Variants in TLL1 observed in about 807,000 individuals in gnomAD.
TLL1 encodes tolloid-like protein 1.
In TLL1, 49 loss-of-function variants were observed where a neutral mutation model predicts 128.2. The observed-to-expected ratio is 0.38, with a 90% CI of 0.30 to 0.48. TLL1 has a LOEUF of 0.48. TLL1 is among the 20% of genes least tolerant of loss of function. The pLI is 0.96. For synonymous variants in TLL1, 454 were observed against 418.8 expected, an observed-to-expected ratio of 1.08 and a Z score of -1.03; for missense variants, 1,123 against 1,242.0, an observed-to-expected ratio of 0.90 and a Z score of 1.44.
rs965032632 is a variant in TLL1 at position 165,925,252 on chromosome 4, G to A, written c.169+51179G>A. ...GATTTGGGTCTGAGCAAAGTAAATC[G>A]TAAACCTTCTGAAAAGAATTCACCA... is the stretch of plus-strand genomic sequence containing the variant. On this transcript the variant is annotated intron_variant, in intron 1 of 20. Transcript: ENST00000061240. 1.1e-4 allele frequency among the ~76,000 whole-genome samples: 16 copies of A among 152,246 alleles called. 1 individual carries two copies. The highest frequency in any genetic ancestry group is 2.6e-4 in the Admixed American group (4 of 15,290).
At chr4:165,895,371 A>G (rs1442658218) in intron 1 of TLL1, among the ~76,000 whole-genome samples, 2 of 152,160 alleles carry the variant, frequency 1.3e-5, no homozygotes, top group African/African-American at 4.8e-5. Flanking sequence ...TCAATCAGAA[A>G]TGGAAACTGC....
chr4:165,934,133 G>A (rs1340007190), intron 1 of TLL1, among the ~76,000 whole-genome samples: 1 of 151,174 alleles, frequency 6.6e-6, no homozygotes, highest in Non-Finnish European at 1.5e-5. Flanking sequence ...CGAGTAGCTG[G>A]GATTACAGGT....
At chr4:166,091,473 T>C in intron 19 of TLL1, 132 bp downstream of exon 19, 1 of 748,136 alleles carries the variant, frequency 1.3e-6, no homozygotes, top group Non-Finnish European at 2.2e-6. Flanking sequence ...AAGCACTTTG[T>C]GAAATATTTG....
At position 166,043,303 on chromosome 4, in the gene TLL1, G is replaced by C; in HGVS notation, c.1408G>C (p.Glu470Gln). ...AICGGEIRKN[E>Q]GQIQSPNYPD... ...CTGTGGAGGTGAGATACGTAAAAAT[G>C]AAGGACAGATTCAGTCTCCCAATTA... The change falls in exon 12 of 21, where the codon GAA (glutamate) becomes CAA (glutamine). Residue 470 changes from glutamate to glutamine, a missense_variant. Physicochemically the swap from Glu to Gln is conservative, Grantham distance 29. Around this residue, in one of 3 missense-constraint regions of TLL1, gnomAD observed 634 missense variants for 672.4 expected, o/e 0.94. Coordinates refer to ENST00000061240, the MANE Select transcript of TLL1 (RefSeq NM_012464.5). 6.2e-7 allele frequency: 1 copy of C among 1,614,120 alleles called. No homozygotes were observed. The highest frequency in any genetic ancestry group is 2.2e-5 in the East Asian group (1 of 44,870).
chr4:165,959,342 G>A (rs556070524), intron 1 of TLL1, among the ~76,000 whole-genome samples: 27 of 152,254 alleles, frequency 1.8e-4, no homozygotes, highest in Non-Finnish European at 3.4e-4. Context: ...TCCTACCCAT[G>A]AGCATGGAAT....
chr4:166,083,116 G>A (rs1421914578), intron 18 of TLL1, among the ~76,000 whole-genome samples: 1 of 152,056 alleles, frequency 6.6e-6, no homozygotes, highest in East Asian at 1.9e-4. Flanking sequence ...TATGGGCAAG[G>A]GCAGCGATGA....
chr4:165,996,048 T>C (rs1327529450), intron 5 of TLL1, among the ~76,000 whole-genome samples: 1 of 152,182 alleles, frequency 6.6e-6, no homozygotes, highest in African/African-American at 2.4e-5. Context: ...TTCATGTTTT[T>C]GCTCATGATA....
chr4:166,075,945 AC>A (rs1741002761), intron 17 of TLL1, among the ~76,000 whole-genome samples: 1 of 152,204 alleles, frequency 6.6e-6, no homozygotes, highest in Non-Finnish European at 1.5e-5. Flanking sequence ...AGAATCATAT[AC>A]AAACAGGAAT....
intron 1 of TLL1, among the ~76,000 whole-genome samples, chr4:165,912,001 G>C (rs1008426211): frequency 1.3e-5 from 2 of 151,892 alleles, no homozygotes; most frequent in Non-Finnish European, 2.9e-5. Flanking sequence ...TCAGCCTCCC[G>C]AGTAGCTGGG....
chr4:165,992,814 A>T lies in TLL1; in HGVS notation c.291A>T (p.Gly97=), dbSNP rs997734898. 2 of 1,613,238 alleles carry T rather than the reference A, an allele frequency of 1.2e-6. No individual in the cohort carries two copies. Among genetic ancestry groups the T allele is most frequent in the Non-Finnish European group, 1.7e-6 (2 of 1,179,328 alleles). Residue 97 remains glycine, a synonymous_variant, in exon 3 of 21, where the codon GGA becomes GGT. Transcript: ENST00000061240. ...CTTTTATTCTTTAAGGTGGACTTGGAGACCATGCTATGTCAAAGAAGCGAG... is the reference window on the plus strand; with the variant it reads ...CTTTTATTCTTTAAGGTGGACTTGGTGACCATGCTATGTCAAAGAAGCGAG... ...GNLGHTTGGL[G]DHAMSKKRGA... is the part of the protein sequence containing the mutation.
intron 1 of TLL1, among the ~76,000 whole-genome samples, chr4:165,919,292 A>C (rs1732922897): frequency 6.6e-6 from 1 of 150,846 alleles, no homozygotes; most frequent in Non-Finnish European, 1.5e-5. Context: ...CTGAAGCAGG[A>C]GGATCACTTC....
intron 1 of TLL1, among the ~76,000 whole-genome samples, chr4:165,880,509 G>A (rs1730926163): frequency 1.3e-5 from 2 of 152,106 alleles, no homozygotes; most frequent in South Asian, 2.1e-4. Flanking sequence ...TATATTAAAT[G>A]GGTCAGAAGT....
At position 165,987,862 on chromosome 4, in the gene TLL1, T is replaced by C. The variant is rs182146726; in HGVS notation, c.170-1519T>C. Among the ~76,000 whole-genome samples, 35 of 152,238 alleles carry C rather than the reference T, an allele frequency of 2.3e-4. No individual in the cohort carries two copies. The East Asian group carries it at 5.8e-3, about 25-fold the overall frequency. On this transcript the variant is annotated intron_variant, in intron 1 of 20. Transcript: ENST00000061240. ...TCTATAGTGGAAAAGTTCATAAATA[T>C]TAAGATTTAAATCCAATGAAAGACA...
At chr4:165,907,032 C>T (rs1732291401) in intron 1 of TLL1, among the ~76,000 whole-genome samples, 1 of 152,098 alleles carries the variant, frequency 6.6e-6, no homozygotes, top group Non-Finnish European at 1.5e-5. Context: ...AAAACAGGCT[C>T]AAGAGATTCT....
intron 1 of TLL1, among the ~76,000 whole-genome samples, chr4:165,905,537 T>C (rs1252685173): frequency 6.6e-6 from 1 of 152,180 alleles, no homozygotes; most frequent in Non-Finnish European, 1.5e-5. Flanking sequence ...TTCCTGGTTA[T>C]TGTGATTTTC....
intron 1 of TLL1, among the ~76,000 whole-genome samples, chr4:165,948,781 G>A (rs145531718): frequency 0.011 from 1,668 of 152,222 alleles, 13 homozygotes; most frequent in South Asian, 0.02. Context: ...TAAGGGTTTT[G>A]GAGGGGAAAA....
chr4:166,079,894 A>C (rs897243316), intron 18 of TLL1, among the ~76,000 whole-genome samples: 2 of 152,170 alleles, frequency 1.3e-5, no homozygotes, highest in South Asian at 4.1e-4. Context: ...CTTCAAATTC[A>C]GTAATTATTT....
In TLL1 at chr4:166,043,189, G is replaced by A. The variant is rs893931683; in HGVS notation, c.1379-85G>A. 8 of 1,578,312 alleles carry A rather than the reference G, an allele frequency of 5.1e-6. No individual in the cohort carries two copies. The African/African-American group carries it at 1.1e-4, about 21-fold the overall frequency. Reference sequence around the variant, plus strand: ...CTTTATGTACTGAGCTACAGGAGCTGAACTTCAATGTTACCCTAGAAGAAA... The same window carrying A: ...CTTTATGTACTGAGCTACAGGAGCTAAACTTCAATGTTACCCTAGAAGAAA... On this transcript the variant is annotated intron_variant, in intron 11 of 20. Coordinates refer to ENST00000061240, the MANE Select transcript of TLL1 (RefSeq NM_012464.5).
chr4:166,078,886 T>G (rs1365615721), intron 18 of TLL1, among the ~76,000 whole-genome samples: 1 of 152,184 alleles, frequency 6.6e-6, no homozygotes, highest in African/African-American at 2.4e-5. Flanking sequence ...ATCAGTCCAA[T>G]CATAAGCTTA....
Sources: gnomAD v4.1 joint callset for allele counts (sites outside exome capture counted in the v4.1 genomes callset) on GRCh38, gnomAD v4.1.1 for gene constraint, gnomAD v4.1.1 regional missense constraint, MANE v1.5 for transcripts, NCBI Gene and HGNC (gene_info 2026-07-23, HGNC 2026-07-21) for gene names.